The following NNT variants were observed in gnomAD, a reference collection of about 807,000 sequenced individuals.
NNT encodes the protein NAD(P) transhydrogenase, mitochondrial.
A neutral mutation model predicts 104.8 loss-of-function variants in NNT; 50 were observed. The observed-to-expected ratio is 0.48, with a 90% CI of 0.38 to 0.60. NNT has a LOEUF of 0.60. Among genes scored for constraint, NNT ranks in the 20% least tolerant of loss-of-function variants. NNT has a pLI of 0.00. For missense variants in NNT, 1,131 were observed against 1,330.7 expected (o/e 0.85, Z 2.33); for synonymous variants, 461 against 490.4 (o/e 0.94, Z 0.79).
intron 7 of NNT, among the ~76,000 whole-genome samples, chr5:43,629,023 A>G (rs905377754): frequency 2.6e-5 from 4 of 152,068 alleles, no homozygotes; most frequent in Non-Finnish European, 4.4e-5. Flanking sequence ...AACAACTTCA[A>G]TAGCTTTTGG....
At position 43,675,355 on chromosome 5, in the gene NNT, A is replaced by G. The variant is rs560009171; in HGVS notation, c.2635-156A>G. On this transcript the variant is annotated intron_variant, in intron 17 of 21. Transcript: ENST00000344920. ...TTCTGTCATTTCAATTTTTGAAGTG[A>G]TTTTCAGAAACCAGCTGAAATTTAT... Among the ~76,000 whole-genome samples, 230 of 152,298 alleles carry G rather than the reference A, an allele frequency of 1.5e-3. 1 individual carries two copies. The highest frequency in any genetic ancestry group is 5.4e-3 in the African/African-American group (223 of 41,560).
At chr5:43,666,806 C>T in intron 17 of NNT, 1 of 1,333,842 alleles carries the variant, frequency 7.5e-7, no homozygotes, top group South Asian at 1.2e-5. Context: ...CCTTTGGGAG[C>T]CTGAGCTGGA....
intron 17 of NNT, among the ~76,000 whole-genome samples, chr5:43,672,250 A>T (rs979845143): frequency 2.6e-5 from 4 of 152,046 alleles, no homozygotes; most frequent in African/African-American, 4.8e-5. Context: ...TAGCTTGGAG[A>T]AGTTGGATCG....
In NNT at chr5:43,675,977, G is replaced by A. The variant is rs1002968027; in HGVS notation, c.2794+307G>A. On this transcript the variant is annotated intron_variant, in intron 18 of 21. Coordinates refer to ENST00000344920, the MANE Select transcript of NNT (RefSeq NM_182977.3). ...CTTCTCATTGGTAATTTTTGGGCCC[G>A]TTGTCAAGATTAAATTAGATATAGT... Among the ~76,000 whole-genome samples, 6 of 151,956 alleles carry A rather than the reference G, an allele frequency of 3.9e-5. No homozygotes were observed. In the South Asian group the frequency reaches 6.2e-4, roughly 16 times the overall value.
At chr5:43,623,852 G>C (rs1439411736) in intron 5 of NNT, among the ~76,000 whole-genome samples, 180 bp from the exon 6 acceptor site, 3 of 152,174 alleles carry the variant, frequency 2.0e-5, no homozygotes, top group Non-Finnish European at 4.4e-5. Flanking sequence ...ATCAGTGGTG[G>C]TTCAGTTAAA....
intron 17 of NNT, chr5:43,666,849 T>C: frequency 6.8e-7 from 1 of 1,467,816 alleles, no homozygotes; most frequent in South Asian, 1.1e-5. Flanking sequence ...GGGCCTTGGT[T>C]TGATCCTTGG....
intron 20 of NNT, among the ~76,000 whole-genome samples, chr5:43,701,326 G>A (rs1163986546): frequency 1.3e-5 from 2 of 152,124 alleles, no homozygotes; most frequent in Non-Finnish European, 2.9e-5. Context: ...AAGTGAGAAT[G>A]TGCAGTATTT....
At chr5:43,702,510 CTA>C (rs1561336153) in intron 20 of NNT, 109 bp from the exon 21 acceptor site, 1 of 671,330 alleles carries the variant, frequency 1.5e-6, no homozygotes, top group East Asian at 3.0e-5. Flanking sequence ...AGTGCGAATC[CTA>C]TATTTTTGTT....
chr5:43,603,063 C>A (rs1749006102), upstream of NNT: 1 of 151,914 alleles, frequency 6.6e-6, no homozygotes, highest in South Asian at 2.1e-4. Flanking sequence ...GTTCGGAGAG[C>A]GCGCGGCGAT....
At chr5:43,679,814 A>G (rs1741605960) in intron 19 of NNT, among the ~76,000 whole-genome samples, 1 of 152,050 alleles carries the variant, frequency 6.6e-6, no homozygotes, top group Non-Finnish European at 1.5e-5. Context: ...ATAGGACCAA[A>G]GCCTTTTCAT....
At chr5:43,664,255 CTTTG>C (rs1740515159) in intron 17 of NNT, among the ~76,000 whole-genome samples, 1 of 152,154 alleles carries the variant, frequency 6.6e-6, no homozygotes, top group African/African-American at 2.4e-5. Flanking sequence ...TTTACAGTTT[CTTTG>C]TTTGTGATAG....
intron 7 of NNT, among the ~76,000 whole-genome samples, chr5:43,633,557 G>T (rs1398342305): frequency 1.3e-5 from 2 of 152,144 alleles, no homozygotes; most frequent in Admixed American, 6.5e-5. Flanking sequence ...TGCACTCAAA[G>T]AACTTTGCTT....
Position 43,651,877 on chromosome 5 carries a change from T to A in NNT, c.1856T>A (p.Ile619Asn), listed in dbSNP as rs775121633. ...YLAALYSGYNIEQIMYLGSGL... is the reference protein window; with the variant it reads ...YLAALYSGYNNEQIMYLGSGL... ...GCTGCCCTCTACAGTGGTTATAACA[T>A]TGAACAGGTAAGATGCTCTTTGTAA... The change falls in exon 13 of 22, where the codon ATT becomes AAT. Residue 619 changes from isoleucine (I) to asparagine (N), a missense_variant. Physicochemically the swap from Ile to Asn is moderately radical, Grantham distance 149 (BLOSUM62 -3). Transcript: ENST00000344920. The A allele has an allele frequency of 6.2e-7, 1 of 1,613,926 alleles. No homozygotes were observed. The highest frequency in any genetic ancestry group is 8.5e-7 in the Non-Finnish European group (1 of 1,179,986).
Position 43,651,734 on chromosome 5 carries a change from C to T in NNT, c.1718-5C>T, listed in dbSNP as rs1316958005. 1 of 1,613,950 alleles carries T rather than the reference C, an allele frequency of 6.2e-7. No individual in the cohort carries two copies. The highest frequency in any genetic ancestry group is 1.7e-5 in the Admixed American group (1 of 59,978). On this transcript the variant is annotated splice_region_variant and splice_polypyrimidine_tract_variant and intron_variant, in intron 12 of 21. Transcript: ENST00000344920. ...TATGTTTTTTATTTCCTTTGGTTTG[C>T]TAAGGTGGCTTTCTGGTGACTCAGA...
intron 3 of NNT, among the ~76,000 whole-genome samples, chr5:43,614,280 A>C (rs1749659148): frequency 6.6e-6 from 1 of 152,204 alleles, no homozygotes; most frequent in African/African-American, 2.4e-5. Context: ...TATAACATAG[A>C]ATATTGTATG....
intron 10 of NNT, 143 bp downstream of exon 10, chr5:43,645,653 ATCTCTCTCTCTCTCTCTC>A (rs372296149): frequency 2.9e-5 from 2 of 68,564 alleles, no homozygotes; most frequent in African/African-American, 6.6e-5. Flanking sequence ...CTATCTATCT[ATCTCTCTCTCTCTCTCTC>A]TCTCTCTCTC....
At chr5:43,605,114 A>G (rs1365259321) in intron 1 of NNT, among the ~76,000 whole-genome samples, 1 of 152,234 alleles carries the variant, frequency 6.6e-6, no homozygotes, top group Non-Finnish European at 1.5e-5. Flanking sequence ...TATCTGTGGT[A>G]TCCTCCCTCT....
intron 16 of NNT, among the ~76,000 whole-genome samples, chr5:43,658,125 ACT>A (rs1258438022): frequency 1.6e-4 from 25 of 152,000 alleles, no homozygotes; most frequent in Admixed American, 1.3e-4. Context: ...ACAAAGCAAG[ACT>A]CTGTCTCAAA....
In NNT at chr5:43,620,467, GC is replaced by G. The variant is rs368492701; in HGVS notation, c.687+1350del. On this transcript the variant is annotated intron_variant, in intron 5 of 21. Coordinates refer to ENST00000344920, the MANE Select transcript of NNT (RefSeq NM_182977.3). ...GAACTCTTGACCTTGTGATCCGCCC[GC>G]CTTGGCCTCCCGAAGTGCTGGGATT... Among the ~76,000 whole-genome samples the G allele has an allele frequency of 3.9e-3, 598 of 152,162 alleles. 8 individuals are homozygous for G. The highest frequency in any genetic ancestry group is 0.014 in the African/African-American group (571 of 41,504).
Sources: allele counts gnomAD v4.1 joint callset (sites outside exome capture counted in the v4.1 genomes callset), GRCh38; gene constraint gnomAD v4.1.1; transcripts MANE v1.5; gene names NCBI Gene and HGNC (gene_info 2026-07-23, HGNC 2026-07-21).